DOCK8: variants seen among roughly 807,000 people sequenced by gnomAD.
DOCK8 encodes the protein dedicator of cytokinesis protein 8.
A neutral mutation model predicts 245.6 loss-of-function variants in DOCK8; 141 were observed. The observed-to-expected ratio is 0.57, with a 90% CI of 0.50 to 0.66. The LOEUF (loss-of-function observed/expected upper bound fraction) is 0.66, where lower values mean the gene tolerates loss of function less well. DOCK8 is among the 30% of genes least tolerant of loss of function. The probability of loss-of-function intolerance (pLI) is 0.00; values close to 1 mark genes in which losing one functional copy is unlikely to be tolerated. For missense variants in DOCK8, 2,965 were observed against 2,603.4 expected, an observed-to-expected ratio of 1.14 and a Z score of -3.02; for synonymous variants, 1,168 against 970.2, an observed-to-expected ratio of 1.20 and a Z score of -3.79.
At chr9:463,470 G>A (rs535455555) in intron 46 of DOCK8, 47 bp from the exon 47 acceptor site, 1 of 1,603,994 alleles carries the variant, frequency 6.2e-7, no homozygotes, top group South Asian at 1.1e-5. Flanking sequence ...AGATTTCTAA[G>A]CACTTCAAAG....
chr9:301,452 C>T (rs1483216474), intron 4 of DOCK8, among the ~76,000 whole-genome samples: 4 of 152,330 alleles, frequency 2.6e-5, no homozygotes, highest in South Asian at 4.1e-4. Context: ...AGGATGCCTA[C>T]TCTCACCACT....
chr9:246,698 G>A (rs1035642095), intron 1 of DOCK8, among the ~76,000 whole-genome samples: 2 of 152,140 alleles, frequency 1.3e-5, no homozygotes, highest in African/African-American at 4.8e-5. Context: ...TTTCTTAGTG[G>A]TCTTGTTGTT....
intron 1 of DOCK8, among the ~76,000 whole-genome samples, chr9:228,086 T>C (rs191479854): frequency 4.6e-5 from 7 of 151,924 alleles, no homozygotes; most frequent in Admixed American, 2.6e-4. Flanking sequence ...GCAGAGGAAA[T>C]AGAGGAAGCT....
At chr9:275,448 A>G (rs1382850395) in intron 2 of DOCK8, among the ~76,000 whole-genome samples, 1 of 152,134 alleles carries the variant, frequency 6.6e-6, no homozygotes, top group Non-Finnish European at 1.5e-5. Context: ...CCCTGACTGG[A>G]CATTAAAATT....
At position 290,003 on chromosome 9, in the gene DOCK8, T is replaced by C. The variant is rs1015430831; in HGVS notation, c.404+422T>C. ...TCCCTCCCTGGCAACCACTTTCCTT[T>C]TTTACTGTCTCCATAATTCCACCTT... On this transcript the variant is annotated intron_variant, in intron 4 of 47. Transcript: ENST00000432829. Among the ~76,000 whole-genome samples, 5 of 152,348 alleles carry C rather than the reference T, an allele frequency of 3.3e-5. No homozygotes were observed. In the East Asian group the frequency reaches 9.6e-4, roughly 29 times the overall value.
chr9:271,495 G>T, intron 1 of DOCK8, 132 bp from the exon 2 acceptor site: 2 of 688,730 alleles, frequency 2.9e-6, no homozygotes, highest in East Asian at 2.7e-5. Context: ...CACTGAAAAG[G>T]TATCTTAGTC....
At chr9:302,839 A>G (rs574980443) in intron 4 of DOCK8, among the ~76,000 whole-genome samples, 3 of 152,298 alleles carry the variant, frequency 2.0e-5, no homozygotes, top group South Asian at 4.1e-4. Context: ...TTGAAAAGTC[A>G]TAAAATAGAC....
chr9:395,153 G>A (rs780276906), intron 24 of DOCK8, among the ~76,000 whole-genome samples: 4 of 152,150 alleles, frequency 2.6e-5, no homozygotes, highest in Non-Finnish European at 4.4e-5. Context: ...CTCACCAGGT[G>A]CATGCGGCCT....
chr9:360,606 T>A (rs1472899752), intron 14 of DOCK8, among the ~76,000 whole-genome samples: 1 of 152,230 alleles, frequency 6.6e-6, no homozygotes, highest in Non-Finnish European at 1.5e-5. Flanking sequence ...AAGCATTTAA[T>A]TAAAAATTTA....
chr9:377,755 C>T (rs2053580400), intron 20 of DOCK8, among the ~76,000 whole-genome samples: 1 of 152,226 alleles, frequency 6.6e-6, no homozygotes, highest in Non-Finnish European at 1.5e-5. Flanking sequence ...AACCCCATCA[C>T]TCCCTATTCA....
chr9:333,496 G>T (rs1315786924), intron 10 of DOCK8, among the ~76,000 whole-genome samples: 1 of 152,024 alleles, frequency 6.6e-6, no homozygotes, highest in Non-Finnish European at 1.5e-5. Context: ...AGCTTCTCAG[G>T]AGGCTGAGGC....
intron 4 of DOCK8, among the ~76,000 whole-genome samples, chr9:301,125 T>A (rs1357343139): frequency 6.6e-6 from 1 of 152,104 alleles, no homozygotes; most frequent in Non-Finnish European, 1.5e-5. Flanking sequence ...CAGCAGCACA[T>A]TGAAAAGTTA....
At chr9:301,034 C>G (rs2049521545) in intron 4 of DOCK8, among the ~76,000 whole-genome samples, 2 of 152,136 alleles carry the variant, frequency 1.3e-5, no homozygotes, top group African/African-American at 4.8e-5. Context: ...GGGAGAGACA[C>G]AGCAGAAAAG....
intron 18 of DOCK8, 40 bp from the exon 19 acceptor site, chr9:376,170 G>T (rs779700435): frequency 1.4e-6 from 2 of 1,408,482 alleles, no homozygotes; most frequent in Non-Finnish European, 2.0e-6. Flanking sequence ...TCAGAAAAGG[G>T]AATTGGATTG....
intron 1 of DOCK8, among the ~76,000 whole-genome samples, chr9:269,722 A>T (rs2048114942): frequency 6.6e-6 from 1 of 151,444 alleles, no homozygotes; most frequent in Non-Finnish European, 1.5e-5. Flanking sequence ...CACCTGGCTA[A>T]TTTTTTTGTA....
chr9:300,483 C>G (rs625332), intron 4 of DOCK8, among the ~76,000 whole-genome samples: 136,153 of 151,906 alleles, frequency 0.9, 61,051 homozygotes, highest in Admixed American at 0.92. Context: ...CAGAAGAAAA[C>G]AAATAACCAA....
intron 4 of DOCK8, among the ~76,000 whole-genome samples, chr9:302,088 G>A (rs2049578530): frequency 2.0e-5 from 3 of 152,134 alleles, no homozygotes; most frequent in African/African-American, 7.2e-5. Context: ...CACACTGTGT[G>A]ACTTCATACT....
At chr9:228,961 A>C (rs1034351571) in intron 1 of DOCK8, among the ~76,000 whole-genome samples, 1 of 152,180 alleles carries the variant, frequency 6.6e-6, no homozygotes, top group African/African-American at 2.4e-5. Flanking sequence ...TGTTGTTCAG[A>C]AACCTAGCTG....
chr9:422,167 A>C, intron 33 of DOCK8, 32 bp downstream of exon 33: 1 of 1,580,388 alleles, frequency 6.3e-7, no homozygotes, highest in Admixed American at 1.7e-5. Context: ...TGCTACTTTT[A>C]CCTAAAGTCC....
Sources: gnomAD v4.1 joint callset for allele counts (sites outside exome capture counted in the v4.1 genomes callset) on GRCh38, gnomAD v4.1.1 for gene constraint, MANE v1.5 for transcripts, NCBI Gene and HGNC (gene_info 2026-07-23, HGNC 2026-07-21) for gene names.